The following ARNT2 variants were observed in gnomAD, a reference collection of about 807,000 sequenced individuals.
ARNT2 encodes ARNT protein 2.
In ARNT2, 36 loss-of-function variants were observed where a neutral mutation model predicts 91.7. The ratio of observed to expected loss-of-function variants is 0.39; its 90% CI spans 0.30 to 0.52. The LOEUF is 0.52. Ranked by LOEUF, ARNT2 falls within the 20% of genes least tolerant of loss-of-function variation. ARNT2 has a pLI of 0.72. For synonymous variants in ARNT2, 365 were observed against 347.1 expected (o/e 1.05, Z -0.57); for missense variants, 775 against 939.3 (o/e 0.83, Z 2.29).
chr15:80,527,664 G>A (rs1202458065), intron 8 of ARNT2, among the ~76,000 whole-genome samples: 1 of 152,182 alleles, frequency 6.6e-6, no homozygotes, highest in Non-Finnish European at 1.5e-5. Context: ...CCCTAATGAG[G>A]TACAGTCACT....
intron 9 of ARNT2, among the ~76,000 whole-genome samples, chr15:80,552,387 G>C (rs76113417): frequency 4.0e-4 from 61 of 152,328 alleles, no homozygotes; most frequent in African/African-American, 1.3e-3. Flanking sequence ...CAAATGCCCT[G>C]TGAGATTATA....
At chr15:80,558,052 TCC>T (rs1365659625) in intron 11 of ARNT2, among the ~76,000 whole-genome samples, 1 of 152,164 alleles carries the variant, frequency 6.6e-6, no homozygotes, top group Non-Finnish European at 1.5e-5. Flanking sequence ...AACATGCTTT[TCC>T]CAACCTCAGG....
At chr15:80,514,135 T>A (rs1052984229) in intron 7 of ARNT2, among the ~76,000 whole-genome samples, 159 bp downstream of exon 7, 3 of 151,466 alleles carry the variant, frequency 2.0e-5, no homozygotes, top group Non-Finnish European at 2.9e-5. Flanking sequence ...GAACAGGGAG[T>A]TGGGTGGAAT....
intron 1 of ARNT2, among the ~76,000 whole-genome samples, chr15:80,411,773 G>A (rs867764970): frequency 1.3e-5 from 2 of 152,046 alleles, no homozygotes; most frequent in South Asian, 4.2e-4. Flanking sequence ...GGTGGGTGAG[G>A]AGGTCCTACA....
chr15:80,485,207 G>A (rs1459701060), intron 5 of ARNT2, among the ~76,000 whole-genome samples: 1 of 152,212 alleles, frequency 6.6e-6, no homozygotes, highest in Non-Finnish European at 1.5e-5. Flanking sequence ...TGTTGACAAG[G>A]GAAGATGGGT....
intron 5 of ARNT2, among the ~76,000 whole-genome samples, chr15:80,490,984 G>A (rs954827388): frequency 6.6e-6 from 1 of 152,204 alleles, no homozygotes; most frequent in Non-Finnish European, 1.5e-5. Flanking sequence ...GGGGAGAGTG[G>A]AGCAGGGAAA....
At chr15:80,430,110 C>G (rs55957726) in intron 1 of ARNT2, among the ~76,000 whole-genome samples, 11,404 of 152,248 alleles carry the variant, frequency 0.075, 569 homozygotes, top group Non-Finnish European at 0.11. Flanking sequence ...TAGGTCTTCT[C>G]CCGAGAATGA....
chr15:80,559,406 C>T (rs1372705984), intron 11 of ARNT2, among the ~76,000 whole-genome samples: 1 of 152,176 alleles, frequency 6.6e-6, no homozygotes, highest in Non-Finnish European at 1.5e-5. Flanking sequence ...TGGAGCACAC[C>T]GCACCTCGGC....
At chr15:80,486,124 C>G (rs1896969200) in intron 5 of ARNT2, among the ~76,000 whole-genome samples, 1 of 152,172 alleles carries the variant, frequency 6.6e-6, no homozygotes, top group Non-Finnish European at 1.5e-5. Flanking sequence ...TCGGTCCAAT[C>G]TCTGTCTCCA....
At chr15:80,464,442 C>T (rs958956628) in intron 3 of ARNT2, among the ~76,000 whole-genome samples, 2 of 152,160 alleles carry the variant, frequency 1.3e-5, no homozygotes, top group East Asian at 1.9e-4. Context: ...TCAGAGGTGC[C>T]GGGCCTGGGT....
At chr15:80,405,933 T>C (rs1034192123) in intron 1 of ARNT2, among the ~76,000 whole-genome samples, 6 of 151,992 alleles carry the variant, frequency 3.9e-5, no homozygotes, top group Non-Finnish European at 8.8e-5. Context: ...ACCTCAATGG[T>C]ATTGAACAAG....
intron 3 of ARNT2, among the ~76,000 whole-genome samples, chr15:80,468,606 T>A (rs1896690691): frequency 6.6e-6 from 1 of 152,012 alleles, no homozygotes; most frequent in Admixed American, 6.5e-5. Context: ...TCCCTACCCC[T>A]TCTAGCACCC....
chr15:80,514,890 A>C (rs1009062907), intron 8 of ARNT2, among the ~76,000 whole-genome samples: 3 of 152,146 alleles, frequency 2.0e-5, no homozygotes, highest in African/African-American at 7.2e-5. Context: ...CATCTCAAAA[A>C]AACAAACAAA....
chr15:80,418,993 G>A (rs1895824650), intron 1 of ARNT2, among the ~76,000 whole-genome samples: 1 of 152,184 alleles, frequency 6.6e-6, no homozygotes, highest in African/African-American at 2.4e-5. Flanking sequence ...TGCATTTAGA[G>A]GCTTCTTGAG....
intron 1 of ARNT2, among the ~76,000 whole-genome samples, chr15:80,426,706 T>G (rs1263522223): frequency 6.6e-6 from 1 of 152,212 alleles, no homozygotes; most frequent in Non-Finnish European, 1.5e-5. Context: ...AAAATATCCT[T>G]CTGGTTAGGT....
At chr15:80,509,720 T>C (rs1217714981) in intron 6 of ARNT2, among the ~76,000 whole-genome samples, 1 of 151,706 alleles carries the variant, frequency 6.6e-6, no homozygotes, top group African/African-American at 2.4e-5. Flanking sequence ...AGAAAGTGAG[T>C]GAATGAAACA....
chr15:80,475,345 G>A, intron 5 of ARNT2, 122 bp downstream of exon 5: 1 of 989,504 alleles, frequency 1.0e-6, no homozygotes, highest in East Asian at 2.6e-5. Context: ...ACGAGGTCAG[G>A]AGATCAAGAC....
intron 4 of ARNT2, among the ~76,000 whole-genome samples, chr15:80,473,769 A>G (rs570042877): frequency 1.4e-4 from 22 of 152,320 alleles, no homozygotes; most frequent in African/African-American, 3.8e-4. Context: ...TCATCAGCAT[A>G]TCAATGTTCC....
In ARNT2 at chr15:80,596,387, A is replaced by G. The variant is rs1314846717; in HGVS notation, c.*2689A>G. The G allele has an allele frequency of 6.6e-6, 1 of 152,350 alleles. No homozygotes were observed. Among genetic ancestry groups the G allele is most frequent in the Non-Finnish European group, 1.5e-5 (1 of 68,160 alleles). The allele number at this position is 152,350 out of a possible 1,614,324, so 9.4% of individuals were successfully genotyped here. A position where few individuals can be genotyped will look rare whatever the true frequency, so the allele number is the denominator to read the frequency against. On this transcript the variant is annotated 3_prime_UTR_variant, in exon 19 of 19. Coordinates refer to ENST00000303329, the MANE Select transcript of ARNT2 (RefSeq NM_014862.4). ...GATTTGTAAAAGCCGTCATGGGGTCAATAAGAAAATAGGGGTGATGGAGGG... is the reference window on the plus strand; with the variant it reads ...GATTTGTAAAAGCCGTCATGGGGTCGATAAGAAAATAGGGGTGATGGAGGG...
Sources: gnomAD v4.1 joint callset for allele counts (sites outside exome capture counted in the v4.1 genomes callset) on GRCh38, gnomAD v4.1.1 for gene constraint, MANE v1.5 for transcripts, NCBI Gene and HGNC (gene_info 2026-07-23, HGNC 2026-07-21) for gene names.